Variants in LAMA2 observed in about 807,000 individuals in gnomAD.
LAMA2 encodes laminin subunit alpha 2.
Under a neutral mutation model 364.8 loss-of-function variants are expected in LAMA2, and 269 were observed. The observed-to-expected ratio is 0.74, with a 90% CI of 0.67 to 0.82. The LOEUF is 0.82. Ranked by LOEUF, LAMA2 falls within the 40% of genes least tolerant of loss-of-function variation. The pLI, the probability that LAMA2 is intolerant of heterozygous loss-of-function variation, is 0.00. For missense variants in LAMA2, 3,807 were observed against 3,873.2 expected, an observed-to-expected ratio of 0.98 and a Z score of 0.45; for synonymous variants, 1,379 against 1,370.6, an observed-to-expected ratio of 1.01 and a Z score of -0.14.
At chr6:129,177,007 T>C (rs944494654) in intron 9 of LAMA2, among the ~76,000 whole-genome samples, 1 of 152,150 alleles carries the variant, frequency 6.6e-6, no homozygotes, top group African/African-American at 2.4e-5. Context: ...ATATTACTGA[T>C]TTGCTTTTAT....
At chr6:128,966,452 T>C (rs1781847126) in intron 1 of LAMA2, among the ~76,000 whole-genome samples, 1 of 151,944 alleles carries the variant, frequency 6.6e-6, no homozygotes, top group East Asian at 1.9e-4. Flanking sequence ...TATACGCAGG[T>C]CCCTTAAAAT....
chr6:129,364,551 T>A (rs1205113003), intron 32 of LAMA2, among the ~76,000 whole-genome samples: 1 of 152,172 alleles, frequency 6.6e-6, no homozygotes, highest in Non-Finnish European at 1.5e-5. Flanking sequence ...AATATACATG[T>A]TTTTTAAATC....
intron 48 of LAMA2, among the ~76,000 whole-genome samples, chr6:129,458,715 A>G (rs1424316719): frequency 6.6e-6 from 1 of 152,064 alleles, no homozygotes; most frequent in African/African-American, 2.4e-5. Context: ...GCAGTGGGAA[A>G]TGTACATGTT....
chr6:129,092,260 C>T (rs1326654441), intron 3 of LAMA2, among the ~76,000 whole-genome samples: 5 of 152,098 alleles, frequency 3.3e-5, no homozygotes, highest in East Asian at 1.9e-4. Context: ...TTTTCTTTAG[C>T]GTCACAGGGG....
At chr6:129,039,585 C>T (rs892812024) in intron 1 of LAMA2, among the ~76,000 whole-genome samples, 2 of 152,160 alleles carry the variant, frequency 1.3e-5, no homozygotes, top group African/African-American at 2.4e-5. Flanking sequence ...GGAGTAGAGT[C>T]ACGCAGGAAG....
intron 1 of LAMA2, chr6:128,929,302 C>G: frequency 8.0e-7 from 1 of 1,252,646 alleles, no homozygotes; most frequent in South Asian, 1.2e-5. Context: ...CCCACATGTC[C>G]CACAGCTCAC....
intron 42 of LAMA2, among the ~76,000 whole-genome samples, chr6:129,439,401 A>G (rs1320092491): frequency 1.3e-5 from 2 of 151,990 alleles, no homozygotes; most frequent in Non-Finnish European, 2.9e-5. Flanking sequence ...AGCCCAAGAA[A>G]TCGTGTATTA....
chr6:129,107,165 G>A (rs1775879783), intron 4 of LAMA2, among the ~76,000 whole-genome samples: 1 of 152,096 alleles, frequency 6.6e-6, no homozygotes. Context: ...TTGGCTTTCA[G>A]GTAGCTCTGC....
At position 129,054,017 on chromosome 6, in the gene LAMA2, A is replaced by G. The variant is rs180678602; in HGVS notation, c.283+3929A>G. Among the ~76,000 whole-genome samples, 61 of 152,330 alleles carry G rather than the reference A, an allele frequency of 4.0e-4. No individual in the cohort carries two copies. The East Asian group carries it at 0.012, about 29-fold the overall frequency. ...GTCATTAAGCATAGGCAAAAACCTT[A>G]TATTAGAAGATACATACTTTTAACT... is the stretch of plus-strand genomic sequence containing the variant. On this transcript the variant is annotated intron_variant, in intron 2 of 64. Transcript: ENST00000421865.
At chr6:129,026,350 G>A (rs374535138) in intron 1 of LAMA2, among the ~76,000 whole-genome samples, 11 of 151,914 alleles carry the variant, frequency 7.2e-5, no homozygotes, top group African/African-American at 1.9e-4. Flanking sequence ...ATATATTGTC[G>A]AGTTGTGAGC....
intron 17 of LAMA2, among the ~76,000 whole-genome samples, chr6:129,274,514 G>C (rs1788166754): frequency 6.6e-6 from 1 of 151,618 alleles, no homozygotes; most frequent in South Asian, 2.1e-4. Context: ...TTTAATCCCT[G>C]GTCATAAATC....
In LAMA2 at chr6:128,977,605, G is replaced by T. The variant is rs540789035; in HGVS notation, c.113-72313G>T. ...GATTCTTAAACTAGATTGTACTTAC[G>T]ATAAATGTTGACTGATTCATTACCT... is the stretch of plus-strand genomic sequence containing the variant. On this transcript the variant is annotated intron_variant, in intron 1 of 64. Coordinates refer to ENST00000421865, the MANE Select transcript of LAMA2 (RefSeq NM_000426.4). 4.8e-4 allele frequency among the ~76,000 whole-genome samples: 73 copies of T among 152,050 alleles called. No homozygotes were observed. In the South Asian group the frequency reaches 6.9e-3, roughly 14 times the overall value.
At chr6:129,385,888 A>G (rs1778987643) in intron 35 of LAMA2, among the ~76,000 whole-genome samples, 1 of 152,130 alleles carries the variant, frequency 6.6e-6, no homozygotes, top group South Asian at 2.1e-4. Context: ...TAGTATGAAA[A>G]CAGTTTTGCT....
intron 28 of LAMA2, among the ~76,000 whole-genome samples, chr6:129,324,430 C>T (rs1250965139): frequency 6.6e-6 from 1 of 152,186 alleles, no homozygotes; most frequent in African/African-American, 2.4e-5. Context: ...AATTGAGGCC[C>T]ATGATCACAC....
intron 1 of LAMA2, among the ~76,000 whole-genome samples, chr6:128,930,660 C>A (rs193022867): frequency 2.0e-5 from 3 of 152,178 alleles, no homozygotes; most frequent in African/African-American, 7.2e-5. Context: ...AGTTATACAG[C>A]ATCCTAGCCT....
chr6:128,966,194 C>T (rs1356693078), intron 1 of LAMA2, among the ~76,000 whole-genome samples: 1 of 151,696 alleles, frequency 6.6e-6, no homozygotes, highest in Non-Finnish European at 1.5e-5. Context: ...TTGGATTCAA[C>T]CTGGTATTTA....
Position 129,297,836 on chromosome 6 carries a change from A to G in LAMA2, c.3008A>G (p.Tyr1003Cys), listed in dbSNP as rs781103695. 2.2e-5 allele frequency: 36 copies of G among 1,613,810 alleles called. No individual in the cohort carries two copies. The highest frequency in any genetic ancestry group is 2.8e-5 in the Non-Finnish European group (33 of 1,179,930). ...GKKCDRCAHG[Y>C]FNFQEGGCTA... is the part of the protein sequence containing the mutation. ...AAATGTGACCGCTGTGCCCACGGCT[A>G]TTTCAACTTCCAAGAAGGAGGCTGC... Residue 1003 changes from tyrosine to cysteine, a missense_variant, in exon 21 of 65, where the codon TAT (tyrosine) becomes TGT (cysteine). Coordinates refer to ENST00000421865, the MANE Select transcript of LAMA2 (RefSeq NM_000426.4).
In LAMA2 at chr6:129,335,039, C is replaced by A. The variant is rs181934214; in HGVS notation, c.4311+6627C>A. 2.6e-5 allele frequency among the ~76,000 whole-genome samples: 4 copies of A among 152,198 alleles called. No homozygotes were observed. The East Asian group carries it at 7.7e-4, about 29-fold the overall frequency. ...ATCTTGTTTTTCTTTATCTTCACAC[C>A]TTTCCCTGAAAATATAAAGTGCATA... On this transcript the variant is annotated intron_variant, in intron 29 of 64. Transcript: ENST00000421865.
chr6:129,452,677 A>G (rs1254121667), intron 45 of LAMA2, among the ~76,000 whole-genome samples: 3 of 152,216 alleles, frequency 2.0e-5, no homozygotes, highest in Non-Finnish European at 4.4e-5. Context: ...CACCTGCCTA[A>G]AACGTTCCCA....
Sources: allele counts gnomAD v4.1 joint callset (sites outside exome capture counted in the v4.1 genomes callset), GRCh38; gene constraint gnomAD v4.1.1; transcripts MANE v1.5; gene names NCBI Gene and HGNC (gene_info 2026-07-23, HGNC 2026-07-21).